The following ANKRD62 variants were observed in gnomAD, a reference collection of about 807,000 sequenced individuals.
ANKRD62 encodes ankyrin repeat domain-containing protein 62.
A neutral mutation model predicts 98.8 loss-of-function variants in ANKRD62; 61 were observed. The observed-to-expected ratio is 0.62, with a 90% confidence interval of 0.50 to 0.76. ANKRD62 has a LOEUF of 0.76. Among genes scored for constraint, ANKRD62 ranks in the 30% least tolerant of loss-of-function variants. The pLI, the probability that ANKRD62 is intolerant of heterozygous loss-of-function variation, is 0.00. For missense variants in ANKRD62, 933 were observed against 1,082.9 expected, an observed-to-expected ratio of 0.86 and a Z score of 1.94; for synonymous variants, 341 against 367.9, an observed-to-expected ratio of 0.93 and a Z score of 0.84.
At chr18:12,120,933 C>G (rs533470682) in intron 10 of ANKRD62, among the ~76,000 whole-genome samples, 1 of 152,248 alleles carries the variant, frequency 6.6e-6, no homozygotes, top group South Asian at 2.1e-4. Context: ...TTGTCCCAGA[C>G]AGTTCCTTCC....
chr18:12,095,386 G>A (rs1909158841), intron 2 of ANKRD62, 51 bp from the exon 3 acceptor site: 2 of 1,539,054 alleles, frequency 1.3e-6, no homozygotes, highest in Middle Eastern at 1.7e-4. Flanking sequence ...GGTGAATCCT[G>A]TGGAAGATTT....
the ANKRD62 span, among the ~76,000 whole-genome samples, chr18:12,137,316 T>C: frequency 6.6e-6 from 1 of 152,358 alleles, no homozygotes; most frequent in African/African-American, 2.4e-5. Flanking sequence ...CATGTGGTTT[T>C]TGTCTTTGGT....
intron 6 of ANKRD62, 138 bp from the exon 7 acceptor site, chr18:12,103,020 T>A: frequency 1.5e-6 from 1 of 649,042 alleles, no homozygotes. Flanking sequence ...AGTAGATATA[T>A]CGCTAAAGAT....
chr18:12,128,034 A>T lies in ANKRD62; in HGVS notation c.*95A>T. On this transcript the variant is annotated 3_prime_UTR_variant, in exon 14 of 14. Coordinates refer to ENST00000587848, the MANE Select transcript of ANKRD62 (RefSeq NM_001277333.2). ...TAATTAATTTTATTAAAATTTGATT[A>T]TCTTTATAATACATCCATTTCTCAA... The T allele has an allele frequency of 5.7e-6, 4 of 701,420 alleles. No homozygotes were observed. Among genetic ancestry groups the T allele is most frequent in the Non-Finnish European group, 8.0e-6 (4 of 502,870 alleles). 43.4% of individuals were successfully genotyped at this position (701,420 alleles called of 1,614,324 possible).
chr18:12,155,908 G>C, the ANKRD62 span, among the ~76,000 whole-genome samples: 1 of 152,120 alleles, frequency 6.6e-6, no homozygotes, highest in Non-Finnish European at 1.5e-5. Flanking sequence ...ATATGGCTTA[G>C]GTATTTGTCC....
Position 12,094,195 on chromosome 18 carries a change from C to A in ANKRD62, c.178C>A (p.Leu60Ile), listed in dbSNP as rs1333333497. Residue 60 changes from leucine (L) to isoleucine (I), a missense_variant, in exon 1 of 14, where the codon CTC becomes ATC. Transcript: ENST00000587848. ...GAACAAGGTGATGGAGAGCATCTTG[C>A]TCAGGCTGAATGACTTGAACGACAG... The part of the protein sequence containing the change: ...DVNKVMESIL[L>I]RLNDLNDRDK... The A allele has an allele frequency of 1.3e-6, 2 of 1,530,832 alleles. No homozygotes were observed. The highest frequency in any genetic ancestry group is 8.7e-7 in the Non-Finnish European group (1 of 1,145,966). The allele number at this position is 1,530,832 out of a possible 1,614,324, so 94.8% of individuals were successfully genotyped here. A position where few individuals can be genotyped will look rare whatever the true frequency, so the allele number is the denominator to read the frequency against.
the ANKRD62 span, among the ~76,000 whole-genome samples, chr18:12,181,420 T>A: frequency 1.3e-5 from 2 of 152,252 alleles, no homozygotes; most frequent in Non-Finnish European, 2.9e-5. Context: ...AAATGACTTA[T>A]TGCAACCATC....
the ANKRD62 span, among the ~76,000 whole-genome samples, chr18:12,164,295 C>T: frequency 5.9e-5 from 9 of 152,024 alleles, no homozygotes; most frequent in East Asian, 1.7e-3. Flanking sequence ...TATAGTTGCT[C>T]ATGGTAGCCA....
At position 12,121,802 on chromosome 18, in the gene ANKRD62, C is replaced by T. The variant is rs1477718487; in HGVS notation, c.1241-501C>T. Among the ~76,000 whole-genome samples, 5 of 152,296 alleles carry T rather than the reference C, an allele frequency of 3.3e-5. No individual in the cohort carries two copies. The East Asian group carries it at 9.6e-4, about 29-fold the overall frequency. On this transcript the variant is annotated intron_variant, in intron 10 of 13. Transcript: ENST00000587848. Reference sequence around the variant, plus strand: ...AAAATCATTGTTGAATATATTTTGTCTGTGTTGTTTTTGGTTGTTTCAGGT... The same window carrying T: ...AAAATCATTGTTGAATATATTTTGTTTGTGTTGTTTTTGGTTGTTTCAGGT...
intron 6 of ANKRD62, 90 bp downstream of exon 6, chr18:12,099,772 T>TA (rs1003366048): frequency 7.1e-6 from 4 of 559,574 alleles, no homozygotes; most frequent in Non-Finnish European, 1.1e-5. Flanking sequence ...AACAGCAGTT[T>TA]AAAAAAACCA....
chr18:12,135,281 G>T, the ANKRD62 span, among the ~76,000 whole-genome samples: 1 of 145,102 alleles, frequency 6.9e-6, no homozygotes, highest in African/African-American at 2.6e-5. Context: ...CTATGAGTGA[G>T]AACATGCGGT....
chr18:12,136,821 A>G, the ANKRD62 span, among the ~76,000 whole-genome samples: 2 of 152,136 alleles, frequency 1.3e-5, no homozygotes, highest in East Asian at 1.9e-4. Flanking sequence ...TTGTGAATGG[A>G]AGTACACTCA....
In ANKRD62 at chr18:12,115,661, G is replaced by T. The variant is rs948295470; in HGVS notation, c.1240+127G>T. ...TGTTCATCTCGGAAATATCCTTCTT[G>T]TGAACATAGAATGAGAACTACTCTA... is the stretch of plus-strand genomic sequence containing the variant. On this transcript the variant is annotated intron_variant, in intron 10 of 13. Transcript: ENST00000587848. 4.4e-5 allele frequency: 37 copies of T among 838,580 alleles called. No homozygotes were observed. In the South Asian group the frequency reaches 9.0e-4, roughly 20 times the overall value. The allele number at this position is 838,580 out of a possible 1,614,324, so 51.9% of individuals were successfully genotyped here.
the ANKRD62 span, among the ~76,000 whole-genome samples, chr18:12,146,462 T>C: frequency 6.6e-6 from 1 of 152,168 alleles, no homozygotes; most frequent in African/African-American, 2.4e-5. Flanking sequence ...TGTGTGTGTT[T>C]TGAGATAGAA....
intron 8 of ANKRD62, among the ~76,000 whole-genome samples, 198 bp downstream of exon 8, chr18:12,107,665 G>A (rs182092789): frequency 9.9e-4 from 150 of 152,258 alleles, no homozygotes; most frequent in Non-Finnish European, 1.5e-3. Context: ...TATTTAAAAA[G>A]TAACTAGACA....
At chr18:12,116,885 C>T (rs1398213497) in intron 10 of ANKRD62, among the ~76,000 whole-genome samples, 1 of 152,086 alleles carries the variant, frequency 6.6e-6, no homozygotes, top group East Asian at 1.9e-4. Context: ...TCTTCCTACT[C>T]TTTAAAAAAA....
rs572313754 is a variant in ANKRD62, at chr18:12,122,131, G to A, written c.1241-172G>A. 2.6e-5 allele frequency among the ~76,000 whole-genome samples: 4 copies of A among 152,326 alleles called. No individual in the cohort carries two copies. The East Asian group carries it at 5.8e-4, about 22-fold the overall frequency. ...CACTTGAAGCTAAACAAGATCAGAT[G>A]TGTTGTCTGTTTTATCTGAAGAGCT... is the stretch of plus-strand genomic sequence containing the variant. On this transcript the variant is annotated intron_variant, in intron 10 of 13. Transcript: ENST00000587848.
the ANKRD62 span, among the ~76,000 whole-genome samples, chr18:12,140,786 A>T: frequency 1.3e-5 from 2 of 152,184 alleles, no homozygotes; most frequent in African/African-American, 4.8e-5. Flanking sequence ...TTAGGCTACT[A>T]GAGTGTCAGG....
At chr18:12,145,832 G>T in the ANKRD62 span, among the ~76,000 whole-genome samples, 1 of 151,820 alleles carries the variant, frequency 6.6e-6, no homozygotes, top group Non-Finnish European at 1.5e-5. Context: ...ACTTGGCCAG[G>T]CTGCTTTCTT....
Sources: gnomAD v4.1 joint callset for allele counts (sites outside exome capture counted in the v4.1 genomes callset) on GRCh38, gnomAD v4.1.1 for gene constraint, MANE v1.5 for transcripts, NCBI Gene and HGNC (gene_info 2026-07-23, HGNC 2026-07-21) for gene names.